Variants in TRAPPC9 observed in about 807,000 individuals in gnomAD.
TRAPPC9 encodes the protein trafficking protein particle complex subunit 9.
TRAPPC9 carries 83 observed loss-of-function variants against 124.0 expected under a neutral mutation model. The ratio of observed to expected loss-of-function variants is 0.67; its 90% CI spans 0.56 to 0.80. The LOEUF (loss-of-function observed/expected upper bound fraction) is 0.80. Ranked by LOEUF, TRAPPC9 falls within the 30% of genes least tolerant of loss-of-function variation. The pLI, the probability that TRAPPC9 is intolerant of heterozygous loss-of-function variation, is 0.00. For missense variants in TRAPPC9, 1,302 were observed against 1,508.3 expected (o/e 0.86, Z 2.27); for synonymous variants, 638 against 617.5 (o/e 1.03, Z -0.49).
chr8:140,362,358 A>G (rs2067981068), intron 8 of TRAPPC9, among the ~76,000 whole-genome samples: 1 of 152,178 alleles, frequency 6.6e-6, no homozygotes, highest in African/African-American at 2.4e-5. Flanking sequence ...ATACTTCAAC[A>G]AAAAAACCAA....
intron 19 of TRAPPC9, among the ~76,000 whole-genome samples, chr8:139,985,987 G>A (rs1324327832): frequency 6.6e-5 from 10 of 152,214 alleles, no homozygotes; most frequent in Admixed American, 3.9e-4. Context: ...GCTCTTGCCT[G>A]TAATTCCAGC....
At chr8:139,915,779 G>T (rs946177701) in intron 19 of TRAPPC9, among the ~76,000 whole-genome samples, 1 of 152,170 alleles carries the variant, frequency 6.6e-6, no homozygotes, top group African/African-American at 2.4e-5. Flanking sequence ...AGCAATCTTT[G>T]GTCCTGGGCT....
chr8:140,347,412 A>G (rs917830070), intron 9 of TRAPPC9, among the ~76,000 whole-genome samples: 1 of 152,224 alleles, frequency 6.6e-6, no homozygotes, highest in Non-Finnish European at 1.5e-5. Context: ...ATGTATGGAC[A>G]TGTGCACTGA....
At chr8:139,838,938 A>T (rs959587393) in intron 21 of TRAPPC9, among the ~76,000 whole-genome samples, 3 of 152,186 alleles carry the variant, frequency 2.0e-5, no homozygotes, top group African/African-American at 7.2e-5. Flanking sequence ...GCTGATGTGC[A>T]GCAAGAGGGA....
At chr8:139,947,388 C>T (rs763936978) in intron 19 of TRAPPC9, among the ~76,000 whole-genome samples, 3 of 152,016 alleles carry the variant, frequency 2.0e-5, no homozygotes, top group Non-Finnish European at 4.4e-5. Context: ...ATTACTCAGC[C>T]GCCGGGAGCA....
chr8:140,385,810 C>T (rs1588259461), intron 7 of TRAPPC9, among the ~76,000 whole-genome samples: 1 of 152,350 alleles, frequency 6.6e-6, no homozygotes, highest in East Asian at 1.9e-4. Flanking sequence ...CTCCCTAACT[C>T]ATTTTATGAG....
chr8:140,206,877 G>A (rs188909335), intron 17 of TRAPPC9, among the ~76,000 whole-genome samples: 8 of 152,064 alleles, frequency 5.3e-5, no homozygotes, highest in African/African-American at 1.4e-4. Flanking sequence ...TTCCCAAGCC[G>A]TCTGTGACCC....
At chr8:139,929,642 T>G (rs1587250199) in intron 19 of TRAPPC9, among the ~76,000 whole-genome samples, 1 of 152,250 alleles carries the variant, frequency 6.6e-6, no homozygotes, top group Admixed American at 6.5e-5. Flanking sequence ...GCTTCCATGG[T>G]CTTCCAGAAG....
intron 9 of TRAPPC9, among the ~76,000 whole-genome samples, chr8:140,349,364 C>CACACCAGG (rs2067466179): frequency 1.0e-5 from 1 of 95,740 alleles, no homozygotes; most frequent in South Asian, 3.1e-4. Context: ...GAGGGAAGGG[C>CACACCAGG]GCGCGAGGGA....
At chr8:140,265,181 G>C (rs151315400) in intron 15 of TRAPPC9, among the ~76,000 whole-genome samples, 2 of 150,426 alleles carry the variant, frequency 1.3e-5, no homozygotes, top group Non-Finnish European at 1.5e-5. Flanking sequence ...CAAGAGATTC[G>C]ACGCTGCCAC....
At chr8:140,354,731 T>G (rs2067686910) in intron 9 of TRAPPC9, among the ~76,000 whole-genome samples, 1 of 152,210 alleles carries the variant, frequency 6.6e-6, no homozygotes, top group African/African-American at 2.4e-5. Context: ...AATAGCACCA[T>G]GAGCTCTTCA....
chr8:140,155,156 T>C (rs1451886199), intron 17 of TRAPPC9, among the ~76,000 whole-genome samples: 1 of 152,188 alleles, frequency 6.6e-6, no homozygotes, highest in Non-Finnish European at 1.5e-5. Context: ...AAAGGTTTCA[T>C]TGGTAAATAC....
At chr8:140,445,669 T>C (rs1371462285) in intron 2 of TRAPPC9, among the ~76,000 whole-genome samples, 1 of 152,264 alleles carries the variant, frequency 6.6e-6, no homozygotes, top group Non-Finnish European at 1.5e-5. Context: ...TACGACTTCC[T>C]GTACTTAATA....
At chr8:140,324,066 C>T (rs964427233) in intron 9 of TRAPPC9, among the ~76,000 whole-genome samples, 3 of 152,062 alleles carry the variant, frequency 2.0e-5, no homozygotes, top group Non-Finnish European at 2.9e-5. Flanking sequence ...TCCCCGGAGT[C>T]CCCAAAGTCC....
intron 21 of TRAPPC9, among the ~76,000 whole-genome samples, chr8:139,757,175 A>G (rs56773274): frequency 0.024 from 1,175 of 49,276 alleles, no homozygotes; most frequent in African/African-American, 0.028. Flanking sequence ...GCCAGGGTTT[A>G]GGGATGAGGA....
intron 19 of TRAPPC9, among the ~76,000 whole-genome samples, chr8:139,961,092 C>T (rs1353952592): frequency 8.0e-6 from 1 of 124,694 alleles, no homozygotes; most frequent in African/African-American, 2.5e-5. Context: ...CAACACAGAA[C>T]GTCCTTCTCC....
chr8:140,244,344 A>G (rs776612120), intron 16 of TRAPPC9, among the ~76,000 whole-genome samples: 1 of 152,220 alleles, frequency 6.6e-6, no homozygotes, highest in Non-Finnish European at 1.5e-5. Flanking sequence ...ATTCTGTGAT[A>G]CTAGGGATCA....
chr8:139,918,548 C>T (rs1211860168), intron 19 of TRAPPC9, among the ~76,000 whole-genome samples: 1 of 152,212 alleles, frequency 6.6e-6, no homozygotes, highest in African/African-American at 2.4e-5. Flanking sequence ...CCCCGGCCCT[C>T]CCACCACGGA....
At chr8:140,299,042 C>T (rs1367807053) in intron 11 of TRAPPC9, among the ~76,000 whole-genome samples, 5 of 152,168 alleles carry the variant, frequency 3.3e-5, no homozygotes, top group South Asian at 2.1e-4. Context: ...GGAGGAGTGG[C>T]CTGCAAGGCG....
Sources: gnomAD v4.1 joint callset for allele counts (sites outside exome capture counted in the v4.1 genomes callset) on GRCh38, gnomAD v4.1.1 for gene constraint, MANE v1.5 for transcripts, NCBI Gene and HGNC (gene_info 2026-07-23, HGNC 2026-07-21) for gene names.